Variants in IKZF2 observed in about 807,000 individuals in gnomAD.
IKZF2 encodes zinc finger protein Helios.
A neutral mutation model predicts 49.2 loss-of-function variants in IKZF2; 15 were observed. The observed-to-expected ratio is 0.30, with a 90% CI of 0.20 to 0.47. IKZF2 has a LOEUF of 0.47. Among genes scored for constraint, IKZF2 ranks in the 20% least tolerant of loss-of-function variants. The pLI, the probability that IKZF2 is intolerant of heterozygous loss-of-function variation, is 1.00. For missense variants in IKZF2, 567 were observed against 664.6 expected (o/e 0.85, Z 1.61); for synonymous variants, 227 against 221.4 (o/e 1.03, Z -0.23).
At chr2:213,091,007 G>A (rs889035834) in intron 4 of IKZF2, among the ~76,000 whole-genome samples, 1 of 152,160 alleles carries the variant, frequency 6.6e-6, no homozygotes, top group African/African-American at 2.4e-5. Flanking sequence ...GAACCAGAAA[G>A]GAGATGCAGA....
chr2:213,008,219 A>G lies in IKZF2; in HGVS notation c.857-135T>C, dbSNP rs531526698. On this transcript the variant is annotated intron_variant, in intron 8 of 8. Transcript: ENST00000434687. ...TTCATAATTTGGTATATATTACTCT[A>G]TAAGTCAAGTATTTGGGCAATTCTG... 3.0e-5 allele frequency: 32 copies of G among 1,079,062 alleles called. No individual in the cohort carries two copies. The South Asian group carries it at 3.5e-4, about 12-fold the overall frequency. The allele number at this position is 1,079,062 out of a possible 1,614,324, so 66.8% of individuals were successfully genotyped here.
chr2:213,087,517 T>A (rs1704773098), intron 4 of IKZF2, among the ~76,000 whole-genome samples: 1 of 152,170 alleles, frequency 6.6e-6, no homozygotes, highest in South Asian at 2.1e-4. Flanking sequence ...AATTATACTT[T>A]AAGTTCTAGG....
At chr2:213,106,766 T>C (rs757164932) in intron 4 of IKZF2, among the ~76,000 whole-genome samples, 1 of 152,066 alleles carries the variant, frequency 6.6e-6, no homozygotes, top group Non-Finnish European at 1.5e-5. Flanking sequence ...AAGTGAAACA[T>C]CTCAAGTCTC....
chr2:213,099,207 C>A (rs1203194808), intron 4 of IKZF2, among the ~76,000 whole-genome samples: 1 of 152,022 alleles, frequency 6.6e-6, no homozygotes, highest in African/African-American at 2.4e-5. Context: ...CCTCCTCCCC[C>A]CATCCTCCTT....
intron 4 of IKZF2, among the ~76,000 whole-genome samples, chr2:213,141,825 G>A (rs1484091975): frequency 6.6e-6 from 1 of 151,806 alleles, no homozygotes; most frequent in Non-Finnish European, 1.5e-5. Context: ...ACAATACCTG[G>A]CACATATGAG....
At chr2:213,028,377 T>C (rs967789571) in intron 6 of IKZF2, among the ~76,000 whole-genome samples, 9 of 152,188 alleles carry the variant, frequency 5.9e-5, no homozygotes, top group Admixed American at 6.5e-5. Context: ...ACAAAGTTTG[T>C]AATCAGTTTG....
chr2:213,006,025 C>A lies in IKZF2; in HGVS notation c.*1335G>T, dbSNP rs542926822. 1 of 151,788 alleles carries A rather than the reference C, an allele frequency of 6.6e-6. No individual in the cohort carries two copies. Among genetic ancestry groups the A allele is most frequent in the Non-Finnish European group, 1.5e-5 (1 of 67,892 alleles). The allele number at this position is 151,788 out of a possible 1,614,324, so 9.4% of individuals were successfully genotyped here. ...AGTAAACTTTCTTATTTTTTTGTTT[C>A]TTTTATCTGTTGTCCAAGGTACAGG... On this transcript the variant is annotated 3_prime_UTR_variant, in exon 9 of 9. Transcript: ENST00000434687.
rs1051858806 is a variant in IKZF2 at position 213,113,071 on chromosome 2, G to A, written c.139+34637C>T. On this transcript the variant is annotated intron_variant, in intron 4 of 8. Transcript: ENST00000434687. ...CCTATCATCTAAAAAAAATAATTAT[G>A]AGCATGCCAATATAATCTAAATATC... 7.2e-5 allele frequency among the ~76,000 whole-genome samples: 11 copies of A among 152,156 alleles called. No homozygotes were observed. In the East Asian group the frequency reaches 1.5e-3, roughly 21 times the overall value.
chr2:213,041,600 C>A (rs946746471), intron 6 of IKZF2, among the ~76,000 whole-genome samples: 1 of 152,100 alleles, frequency 6.6e-6, no homozygotes, highest in African/African-American at 2.4e-5. Context: ...CCGTGCCCGG[C>A]CACAACTTGA....
At chr2:213,109,766 G>T (rs568747911) in intron 4 of IKZF2, among the ~76,000 whole-genome samples, 1 of 151,902 alleles carries the variant, frequency 6.6e-6, no homozygotes, top group African/African-American at 2.4e-5. Context: ...CATAAGCAAG[G>T]TAAAATATCT....
intron 4 of IKZF2, among the ~76,000 whole-genome samples, chr2:213,139,487 T>C (rs937177417): frequency 6.6e-6 from 1 of 151,974 alleles, no homozygotes; most frequent in African/African-American, 2.4e-5. Context: ...CCCATATAGG[T>C]CAGTTCACAA....
intron 4 of IKZF2, among the ~76,000 whole-genome samples, chr2:213,086,676 A>C (rs1704644653): frequency 6.6e-6 from 1 of 152,160 alleles, no homozygotes; most frequent in African/African-American, 2.4e-5. Context: ...CCTACTCTCC[A>C]GCCTCCAAAC....
At chr2:213,034,544 TGAGGGACA>T (rs907506719) in intron 6 of IKZF2, among the ~76,000 whole-genome samples, 1 of 152,104 alleles carries the variant, frequency 6.6e-6, no homozygotes, top group African/African-American at 2.4e-5. Flanking sequence ...AGAGGCCAGG[TGAGGGACA>T]GAGGGACAGA....
intron 4 of IKZF2, among the ~76,000 whole-genome samples, chr2:213,073,915 T>G (rs1166389369): frequency 6.6e-6 from 1 of 152,168 alleles, no homozygotes; most frequent in Non-Finnish European, 1.5e-5. Flanking sequence ...ATCCAGAAAC[T>G]TGTACCTATT....
chr2:213,064,195 C>A (rs752392458), intron 4 of IKZF2, among the ~76,000 whole-genome samples: 2 of 151,874 alleles, frequency 1.3e-5, no homozygotes, highest in Admixed American at 6.6e-5. Context: ...GTTAAGGCAG[C>A]AATTTGAGCA....
chr2:213,051,332 G>T (rs1700655148), intron 5 of IKZF2, among the ~76,000 whole-genome samples: 1 of 151,754 alleles, frequency 6.6e-6, no homozygotes, highest in Non-Finnish European at 1.5e-5. Flanking sequence ...GAGTTAATGA[G>T]GTACATACCA....
At chr2:213,135,835 G>A (rs764267296) in intron 4 of IKZF2, among the ~76,000 whole-genome samples, 4 of 151,846 alleles carry the variant, frequency 2.6e-5, no homozygotes, top group Non-Finnish European at 4.4e-5. Context: ...TGGCTCACAA[G>A]CTCAGGAGTA....
intron 1 of IKZF2, 25 bp from the exon 2 acceptor site, chr2:213,150,272 AAAG>A (rs1488255571): frequency 1.0e-5 from 10 of 992,512 alleles, no homozygotes; most frequent in Non-Finnish European, 1.4e-5. Flanking sequence ...AGGGAGAAAG[AAAG>A]AAGTTTTTTG....
At position 213,115,471 on chromosome 2, in the gene IKZF2, A is replaced by G. The variant is rs570315457; in HGVS notation, c.139+32237T>C. Among the ~76,000 whole-genome samples the G allele has an allele frequency of 1.8e-4, 27 of 152,356 alleles. No homozygotes were observed. In the East Asian group the frequency reaches 5.2e-3, roughly 29 times the overall value. ...TCTGTTTTCATAGTGAGGTCTCTCA[A>G]AATGATAGCAAACTAATCAGCAGAG... is the stretch of plus-strand genomic sequence containing the variant. On this transcript the variant is annotated intron_variant, in intron 4 of 8. Coordinates refer to ENST00000434687, the MANE Select transcript of IKZF2 (RefSeq NM_001387220.1).
Sources: allele counts gnomAD v4.1 joint callset (sites outside exome capture counted in the v4.1 genomes callset), GRCh38; gene constraint gnomAD v4.1.1; transcripts MANE v1.5; gene names NCBI Gene and HGNC (gene_info 2026-07-23, HGNC 2026-07-21).